The following GLI3 variants were observed in gnomAD, a reference collection of about 807,000 sequenced individuals.
The protein encoded by GLI3 is GLI family zinc finger 3, also known as transcription activator GLI3.
GLI3 carries 20 observed loss-of-function variants against 100.8 expected under a neutral mutation model. That is an observed-to-expected ratio of 0.20 (90% CI 0.14 to 0.29). The LOEUF (loss-of-function observed/expected upper bound fraction) is 0.29. Ranked by LOEUF, GLI3 falls within the 10% of genes least tolerant of loss-of-function variation. The pLI, the probability that GLI3 is intolerant of heterozygous loss-of-function variation, is 1.00. For synonymous variants in GLI3, 938 were observed against 860.5 expected, an observed-to-expected ratio of 1.09 and a Z score of -1.58; for missense variants, 2,040 against 2,128.5, an observed-to-expected ratio of 0.96 and a Z score of 0.82.
chr7:42,071,658 C>T (rs73086745), intron 4 of GLI3, among the ~76,000 whole-genome samples: 4,922 of 152,290 alleles, frequency 0.032, 104 homozygotes, highest in Non-Finnish European at 0.051. Context: ...CTATTTCCTT[C>T]TCTAAGCTTT....
chr7:42,080,856 A>G (rs974440981), intron 3 of GLI3, among the ~76,000 whole-genome samples: 7 of 152,176 alleles, frequency 4.6e-5, no homozygotes, highest in African/African-American at 1.7e-4. Context: ...GAAAACCCAC[A>G]TGACGAGAAC....
chr7:42,213,511 CAG>C lies in GLI3; in HGVS notation c.124+9617_124+9618del, dbSNP rs144963787. ...GTGATCAATGATTTCATTAATAAGA[CAG>C]ATAACAAAACTGTCATATCATCGAC... On this transcript the variant is annotated intron_variant, in intron 2 of 14. Coordinates refer to ENST00000395925, the MANE Select transcript of GLI3 (RefSeq NM_000168.6). Among the ~76,000 whole-genome samples, 760 of 152,180 alleles carry C rather than the reference CAG, an allele frequency of 5.0e-3. 7 individuals are homozygous for C. Among genetic ancestry groups the C allele is most frequent in the African/African-American group, 0.017 (723 of 41,514 alleles).
In GLI3 at chr7:42,250,226, T is replaced by G. The variant is rs868058601; in HGVS notation, c.-43+13768A>C. Among the ~76,000 whole-genome samples, 5 of 152,318 alleles carry G rather than the reference T, an allele frequency of 3.3e-5. No homozygotes were observed. In the Middle Eastern group the frequency reaches 0.014, roughly 414 times the overall value. On this transcript the variant is annotated intron_variant, in intron 1 of 2. Coordinates refer to the GLI3 transcript ENST00000678978. Reference sequence around the variant, plus strand: ...GGTTGTGATGGTTGGAAAATCAATTTTCTTTGTAATATGGACCATTTGTTT... The same window carrying G: ...GGTTGTGATGGTTGGAAAATCAATTGTCTTTGTAATATGGACCATTTGTTT...
At chr7:42,036,007 C>A (rs550167941) in intron 7 of GLI3, among the ~76,000 whole-genome samples, 5 of 152,216 alleles carry the variant, frequency 3.3e-5, no homozygotes, top group African/African-American at 1.2e-4. Flanking sequence ...TTGTCAGGTA[C>A]GTCTAGACAA....
At chr7:42,100,247 T>C (rs1385207216) in intron 3 of GLI3, among the ~76,000 whole-genome samples, 4 of 152,194 alleles carry the variant, frequency 2.6e-5, no homozygotes, top group African/African-American at 9.7e-5. Context: ...GGCCACCTTC[T>C]ATGCTGTGGA....
At chr7:42,006,032 T>C (rs556665298) in intron 10 of GLI3, among the ~76,000 whole-genome samples, 39 of 152,204 alleles carry the variant, frequency 2.6e-4, no homozygotes, top group Non-Finnish European at 5.0e-4. Context: ...TCTTGTTGCT[T>C]TGCCACTTAT....
intron 3 of GLI3, among the ~76,000 whole-genome samples, chr7:42,132,472 G>T (rs189376241): frequency 3.3e-5 from 5 of 152,248 alleles, no homozygotes; most frequent in African/African-American, 1.2e-4. Flanking sequence ...GGTAAAAAAT[G>T]TTAAATTATA....
At chr7:42,128,266 A>G (rs1786185334) in intron 3 of GLI3, among the ~76,000 whole-genome samples, 2 of 152,144 alleles carry the variant, frequency 1.3e-5, no homozygotes, top group Admixed American at 1.3e-4. Flanking sequence ...CCAGAATTCA[A>G]TTATTTGATT....
intron 10 of GLI3, among the ~76,000 whole-genome samples, chr7:42,019,359 G>A (rs1281582513): frequency 6.6e-6 from 1 of 152,192 alleles, no homozygotes; most frequent in Non-Finnish European, 1.5e-5. Flanking sequence ...TGCAGGCTGT[G>A]CATATTTCAG....
intron 4 of GLI3, among the ~76,000 whole-genome samples, chr7:42,051,692 G>C (rs1784355935): frequency 6.6e-6 from 1 of 152,068 alleles, no homozygotes; most frequent in South Asian, 2.1e-4. Context: ...ACTTTGTTTA[G>C]AGCAATTTAA....
chr7:42,123,136 A>T (rs986028690), intron 3 of GLI3, among the ~76,000 whole-genome samples: 10 of 152,218 alleles, frequency 6.6e-5, no homozygotes, highest in Admixed American at 5.9e-4. Flanking sequence ...CTCATCCCTT[A>T]AATTAACATC....
chr7:41,972,455 G>A lies in GLI3; in HGVS notation c.1985C>T (p.Ser662Phe). 1 of 1,613,860 alleles carries A rather than the reference G, an allele frequency of 6.2e-7. No homozygotes were observed. The highest frequency in any genetic ancestry group is 8.5e-7 in the Non-Finnish European group (1 of 1,179,986). Residue 662 changes from serine (S) to phenylalanine (F), a missense_variant, in exon 13 of 15, where the codon TCC (serine) becomes TTC (phenylalanine). Ser to Phe is a radical substitution (Grantham distance 155, BLOSUM62 -2). Coordinates refer to ENST00000395925, the MANE Select transcript of GLI3 (RefSeq NM_000168.6). The surrounding 1 kb of genome is among the most constrained non-coding windows in gnomAD (Gnocchi z 4.4). ...CTGAGTCGGTCGGCCAGGCGACCTG[G>A]ACTGTGAATGGCTGCCGGAATCTCT... The part of the protein sequence containing the change: ...PPRDSGSHSQ[S>F]RSPGRPTQGA...
intron 7 of GLI3, among the ~76,000 whole-genome samples, chr7:42,027,696 C>T (rs141203285): frequency 0.012 from 1,812 of 152,282 alleles, 14 homozygotes; most frequent in Non-Finnish European, 0.018. Context: ...CCTTACATTA[C>T]AATAGCTTGC....
At position 42,045,542 on chromosome 7, in the gene GLI3, C is replaced by G. The variant is rs1554317960; in HGVS notation, c.680-12G>C. The G allele has an allele frequency of 5.6e-6, 9 of 1,613,490 alleles. No individual in the cohort carries two copies. The highest frequency in any genetic ancestry group is 7.6e-6 in the Non-Finnish European group (9 of 1,179,792). Reference sequence around the variant, plus strand: ...TCCTGCATGGGGCGCTAGGAGGAGACAAGAGATGTATGGTTACTAGCGAAA... The same window carrying G: ...TCCTGCATGGGGCGCTAGGAGGAGAGAAGAGATGTATGGTTACTAGCGAAA... On this transcript the variant is annotated splice_polypyrimidine_tract_variant and intron_variant, in intron 5 of 14. Coordinates refer to ENST00000395925, the MANE Select transcript of GLI3 (RefSeq NM_000168.6).
chr7:42,230,961 A>T (rs1193262136), intron 1 of GLI3, among the ~76,000 whole-genome samples: 3 of 152,206 alleles, frequency 2.0e-5, no homozygotes, highest in African/African-American at 7.2e-5. Flanking sequence ...ATCCACATAT[A>T]TCACAAAAAT....
At chr7:41,975,103 T>C (rs1230255559) in intron 12 of GLI3, among the ~76,000 whole-genome samples, 3 of 152,152 alleles carry the variant, frequency 2.0e-5, no homozygotes, top group Admixed American at 2.0e-4. Context: ...GCGGTATCTT[T>C]GGGGGAAAAA....
chr7:42,236,508 G>A (rs1018578161), intron 1 of GLI3, among the ~76,000 whole-genome samples: 1 of 152,086 alleles, frequency 6.6e-6, no homozygotes. Context: ...CGCGGCGGAG[G>A]TCCCCGCGCG....
intron 3 of GLI3, among the ~76,000 whole-genome samples, chr7:42,108,911 T>A (rs1343724229): frequency 6.6e-6 from 1 of 151,928 alleles, no homozygotes; most frequent in East Asian, 1.9e-4. Context: ...CCAGCAGTCA[T>A]CCAGCCTAAC....
intron 1 of GLI3, among the ~76,000 whole-genome samples, chr7:42,257,034 C>T (rs28776583): frequency 0.066 from 10,088 of 151,994 alleles, 552 homozygotes; most frequent in African/African-American, 0.16. Flanking sequence ...CTTTTTGATG[C>T]TATTTTGAAT....
Sources: gnomAD v4.1 joint callset for allele counts (sites outside exome capture counted in the v4.1 genomes callset) on GRCh38, gnomAD v4.1.1 for gene constraint, Gnocchi (gnomAD v3.1) non-coding constraint, MANE v1.5 for transcripts, NCBI Gene and HGNC (gene_info 2026-07-23, HGNC 2026-07-21) for gene names.